Variants in MAF observed in about 807,000 individuals in gnomAD.
MAF encodes MAF bZIP transcription factor.
MAF carries 10 observed loss-of-function variants against 22.0 expected under a neutral mutation model. The ratio of observed to expected loss-of-function variants is 0.45; its 90% confidence interval spans 0.28 to 0.77. The LOEUF is 0.77. Ranked by LOEUF, MAF falls within the 30% of genes least tolerant of loss-of-function variation. MAF has a pLI of 0.12. For missense variants in MAF, 544 were observed against 548.4 expected, an observed-to-expected ratio of 0.99 and a Z score of 0.08; for synonymous variants, 337 against 255.8, an observed-to-expected ratio of 1.32 and a Z score of -3.03.
the MAF span, among the ~76,000 whole-genome samples, chr16:79,308,780 A>C: frequency 6.6e-6 from 1 of 152,152 alleles, no homozygotes; most frequent in African/African-American, 2.4e-5. Flanking sequence ...GCAGAGCTGG[A>C]AAGTGGCAGA....
At chr16:79,379,076 A>C in the MAF span, among the ~76,000 whole-genome samples, 2 of 152,254 alleles carry the variant, frequency 1.3e-5, no homozygotes, top group African/African-American at 2.4e-5. Context: ...TTAAAGATCA[A>C]GAGTCAGCTT....
chr16:79,204,929 C>G, the MAF span: 1 of 152,220 alleles, frequency 6.6e-6, no homozygotes, highest in African/African-American at 2.4e-5. Flanking sequence ...CTCCTCTCTT[C>G]GAGTCCACCT....
chr16:79,588,637 T>C (rs989260540), intron 1 of MAF, among the ~76,000 whole-genome samples: 10 of 151,940 alleles, frequency 6.6e-5, no homozygotes, highest in African/African-American at 2.2e-4. Flanking sequence ...AACTTATGTA[T>C]TTTTAGTAGA....
At chr16:79,303,107 G>A in the MAF span, among the ~76,000 whole-genome samples, 2 of 152,236 alleles carry the variant, frequency 1.3e-5, no homozygotes, top group African/African-American at 4.8e-5. Context: ...GTGTGAATGT[G>A]TGTGTGTTGG....
the MAF span, among the ~76,000 whole-genome samples, chr16:79,462,167 G>C: frequency 1.3e-5 from 2 of 152,114 alleles, no homozygotes; most frequent in African/African-American, 4.8e-5. Flanking sequence ...GATAATAATG[G>C]CCACAATGGC....
the MAF span, among the ~76,000 whole-genome samples, chr16:79,424,131 G>C: frequency 6.6e-6 from 1 of 152,188 alleles, no homozygotes. Context: ...GGTCATCAAG[G>C]CAGGGCTTAT....
chr16:79,212,155 C>G, the MAF span: 1 of 1,504,968 alleles, frequency 6.6e-7, no homozygotes, highest in Non-Finnish European at 8.8e-7. Flanking sequence ...TCCCATCCAG[C>G]TACCACCACG....
At chr16:79,470,037 C>T in the MAF span, among the ~76,000 whole-genome samples, 1 of 152,244 alleles carries the variant, frequency 6.6e-6, no homozygotes, top group African/African-American at 2.4e-5. Context: ...AACGTGCGGT[C>T]TGCTCCTTCT....
chr16:79,596,535 T>C (rs1913536000), intron 1 of MAF: 1 of 1,049,080 alleles, frequency 9.5e-7, no homozygotes, highest in Non-Finnish European at 1.2e-6. Context: ...ATAACCAGAA[T>C]TGAAAATGAA....
At chr16:79,298,906 A>G in the MAF span, among the ~76,000 whole-genome samples, 1 of 152,248 alleles carries the variant, frequency 6.6e-6, no homozygotes, top group African/African-American at 2.4e-5. Context: ...CTCCAGGGCT[A>G]TAAGGCAGGT....
the MAF span, among the ~76,000 whole-genome samples, chr16:79,275,084 G>A: frequency 4.0e-4 from 61 of 152,266 alleles, no homozygotes; most frequent in African/African-American, 1.4e-3. Flanking sequence ...GGCCGGGTGT[G>A]GTGGCTCAGG....
the MAF span, among the ~76,000 whole-genome samples, chr16:79,243,001 A>G: frequency 3.9e-5 from 6 of 152,060 alleles, no homozygotes; most frequent in Non-Finnish European, 7.4e-5. Context: ...TTTGAAACCA[A>G]TGAGAACGAA....
chr16:79,237,198 T>C, the MAF span, among the ~76,000 whole-genome samples: 3 of 152,078 alleles, frequency 2.0e-5, no homozygotes, highest in African/African-American at 4.8e-5. Flanking sequence ...CTATGTGTAA[T>C]GTTATGGCAC....
At chr16:79,591,905 C>G (rs564090555), downstream of MAF, among the ~76,000 whole-genome samples, 1 of 152,290 alleles carries the variant, frequency 6.6e-6, no homozygotes, top group South Asian at 2.1e-4. Context: ...ACGATTTCCT[C>G]AAATCTCTCC....
the MAF span, among the ~76,000 whole-genome samples, chr16:79,297,412 GGATAAGGAAGTGC>G: frequency 2.0e-5 from 3 of 152,250 alleles, no homozygotes; most frequent in East Asian, 3.9e-4. Context: ...AAACAGGGAT[GGATAAGGAAGTGC>G]ACACGCCTTG....
At chr16:79,541,135 T>C in the MAF span, among the ~76,000 whole-genome samples, 1 of 152,184 alleles carries the variant, frequency 6.6e-6, no homozygotes, top group African/African-American at 2.4e-5. Flanking sequence ...ACTATACTAA[T>C]CTAATAGTGC....
chr16:79,445,242 A>G, the MAF span, among the ~76,000 whole-genome samples: 150 of 150,488 alleles, frequency 1.0e-3, no homozygotes, highest in African/African-American at 3.4e-3. Context: ...ATGGGGTTTC[A>G]CCATGTTAGC....
chr16:79,369,559 C>G, the MAF span, among the ~76,000 whole-genome samples: 1 of 152,268 alleles, frequency 6.6e-6, no homozygotes, highest in Non-Finnish European at 1.5e-5. Flanking sequence ...GCAAATATTT[C>G]TTTTTCTTTA....
chr16:79,461,985 A>G, the MAF span, among the ~76,000 whole-genome samples: 1 of 152,266 alleles, frequency 6.6e-6, no homozygotes, highest in East Asian at 1.9e-4. Flanking sequence ...ATGAGAAGGC[A>G]CCTGCCACCC....
Sources: gnomAD v4.1 joint callset for allele counts (sites outside exome capture counted in the v4.1 genomes callset) on GRCh38, gnomAD v4.1.1 for gene constraint, MANE v1.5 for transcripts, NCBI Gene and HGNC (gene_info 2026-07-23, HGNC 2026-07-21) for gene names.